ADCY5: variants seen among roughly 807,000 people sequenced by gnomAD.
ADCY5 encodes the protein adenylate cyclase type 5.
Under a neutral mutation model 119.7 loss-of-function variants are expected in ADCY5, and 30 were observed. That is an observed-to-expected ratio of 0.25 (90% CI 0.19 to 0.34). The LOEUF (loss-of-function observed/expected upper bound fraction) is 0.34. Ranked by LOEUF, ADCY5 falls within the 10% of genes least tolerant of loss-of-function variation. ADCY5 has a pLI of 1.00. For missense variants in ADCY5, 1,324 were observed against 1,775.2 expected, an observed-to-expected ratio of 0.75 and a Z score of 4.57; for synonymous variants, 753 against 762.2, an observed-to-expected ratio of 0.99 and a Z score of 0.20.
At chr3:123,330,816 G>C in intron 5 of ADCY5, 73 bp downstream of exon 5, 1 of 1,487,644 alleles carries the variant, frequency 6.7e-7, no homozygotes, top group African/African-American at 1.4e-5. Flanking sequence ...CTAGGCAGCC[G>C]GCAGGTCAGT....
chr3:123,295,790 G>A (rs1939461766), intron 17 of ADCY5, among the ~76,000 whole-genome samples: 1 of 152,182 alleles, frequency 6.6e-6, no homozygotes, highest in South Asian at 2.1e-4. Flanking sequence ...TAAGTGCCCA[G>A]CCAGTATTTG....
intron 1 of ADCY5, among the ~76,000 whole-genome samples, chr3:123,361,239 G>A (rs1339466065): frequency 2.6e-5 from 4 of 152,094 alleles, no homozygotes; most frequent in Non-Finnish European, 5.9e-5. Context: ...ACTCTCCAGG[G>A]AACTCATGGC....
At chr3:123,291,440 C>T in intron 17 of ADCY5, 64 bp from the exon 18 acceptor site, 1 of 1,548,560 alleles carries the variant, frequency 6.5e-7, no homozygotes, top group Middle Eastern at 1.7e-4. Flanking sequence ...GCCCCTCCAC[C>T]TCCTCCTCTC....
In ADCY5 at chr3:123,327,749, T is replaced by C; in HGVS notation, c.1816A>G (p.Ile606Val). ...AGGTAGTTGAGTGTAGCCTTGGTGA[T>C]GTGGATGCGTCTACAGGGGGGCAGG... ...EAGGKAGRIH[I>V]TKATLNYLNG... The change falls in exon 7 of 21, where the codon ATC becomes GTC. Residue 606 changes from isoleucine to valine, a missense_variant. Physicochemically the swap from Ile to Val is conservative, Grantham distance 29. Transcript: ENST00000462833. The C allele has an allele frequency of 1.2e-6, 2 of 1,614,030 alleles. No individual in the cohort carries two copies. Among genetic ancestry groups the C allele is most frequent in the Non-Finnish European group, 1.7e-6 (2 of 1,179,984 alleles).
At chr3:123,378,067 T>A (rs1943901747) in intron 1 of ADCY5, among the ~76,000 whole-genome samples, 1 of 152,160 alleles carries the variant, frequency 6.6e-6, no homozygotes, top group African/African-American at 2.4e-5. Flanking sequence ...AACCAAAGCT[T>A]CTGAACAAAG....
intron 5 of ADCY5, among the ~76,000 whole-genome samples, chr3:123,329,134 G>A (rs769052002): frequency 1.6e-4 from 25 of 152,344 alleles, no homozygotes; most frequent in South Asian, 2.1e-4. Flanking sequence ...GCAAATGCAC[G>A]TTAGGGCCGA....
intron 8 of ADCY5, among the ~76,000 whole-genome samples, chr3:123,322,151 G>C (rs1007153064): frequency 8.5e-5 from 13 of 152,324 alleles, no homozygotes; most frequent in African/African-American, 3.1e-4. Context: ...CAGGCGTGGC[G>C]GGCAGCAGAG....
At chr3:123,300,006 C>G in intron 15 of ADCY5, 114 bp downstream of exon 15, 1 of 1,177,108 alleles carries the variant, frequency 8.5e-7, no homozygotes, top group South Asian at 1.5e-5. Context: ...TGGGGAGGAA[C>G]AAGATACTCT....
Position 123,312,437 on chromosome 3 carries a change from G to A in ADCY5, c.2442+1798C>T, listed in dbSNP as rs538860086. On this transcript the variant is annotated intron_variant, in intron 12 of 20. Coordinates refer to ENST00000462833, the MANE Select transcript of ADCY5 (RefSeq NM_183357.3). ...TCTGCCATTTTAACCATTTTTAAGCGTACCATTCAGTGGCATTAATCACAC... is the reference window on the plus strand; with the variant it reads ...TCTGCCATTTTAACCATTTTTAAGCATACCATTCAGTGGCATTAATCACAC... Among the ~76,000 whole-genome samples, 244 of 151,212 alleles carry A rather than the reference G, an allele frequency of 1.6e-3. 1 individual carries two copies. The highest frequency in any genetic ancestry group is 5.3e-3 in the African/African-American group (213 of 40,556).
intron 1 of ADCY5, among the ~76,000 whole-genome samples, chr3:123,427,483 G>A (rs1945438808): frequency 6.6e-6 from 1 of 152,180 alleles, no homozygotes; most frequent in Non-Finnish European, 1.5e-5. Context: ...CGCTCCTGCT[G>A]TTACCTGTGT....
At chr3:123,398,506 C>A (rs1211826416) in intron 1 of ADCY5, among the ~76,000 whole-genome samples, 1 of 152,212 alleles carries the variant, frequency 6.6e-6, no homozygotes, top group African/African-American at 2.4e-5. Context: ...CCAAACCATG[C>A]AGCACGCAGG....
rs1939037737 is a variant in ADCY5, at chr3:123,289,925, C to T, written c.3357G>A (p.Leu1119=). Residue 1119 remains leucine (L), a synonymous_variant, in exon 19 of 21, where the codon CTG becomes CTA. Transcript: ENST00000462833. ...TGCTGCCGATGGTCTTGATCTTCTC[C>T]AGCTGCCGGAACCGATCCTCGCTGA... ...EIISEDRFRQ[L]EKIKTIGSTY... The T allele has an allele frequency of 6.2e-7, 1 of 1,614,214 alleles. No individual in the cohort carries two copies.
chr3:123,387,513 T>C (rs983022035), intron 1 of ADCY5, among the ~76,000 whole-genome samples: 5 of 152,022 alleles, frequency 3.3e-5, no homozygotes, highest in African/African-American at 9.7e-5. Flanking sequence ...GAGTGCAAAG[T>C]AGGTGACAGT....
chr3:123,311,566 CT>C (rs911542680), intron 12 of ADCY5, among the ~76,000 whole-genome samples: 1 of 152,206 alleles, frequency 6.6e-6, no homozygotes, highest in African/African-American at 2.4e-5. Flanking sequence ...AAATTGGGCT[CT>C]GTGTTCCAGA....
chr3:123,346,939 A>T (rs1347150155), intron 3 of ADCY5, among the ~76,000 whole-genome samples: 1 of 152,082 alleles, frequency 6.6e-6, no homozygotes, highest in Non-Finnish European at 1.5e-5. Context: ...GCACTCTATT[A>T]ATCTACATCT....
chr3:123,428,729 C>G (rs941061174), intron 1 of ADCY5, among the ~76,000 whole-genome samples: 1 of 152,190 alleles, frequency 6.6e-6, no homozygotes, highest in African/African-American at 2.4e-5. Context: ...AACTGCATCC[C>G]CAGGGCACAT....
At chr3:123,333,171 A>C (rs4677883) in intron 3 of ADCY5, among the ~76,000 whole-genome samples, 126,253 of 152,158 alleles carry the variant, frequency 0.83, 52,610 homozygotes, top group East Asian at 0.96. Context: ...AGAAGAGACA[A>C]GAGAGCTTGC....
chr3:123,378,722 A>G (rs1413438527), intron 1 of ADCY5, among the ~76,000 whole-genome samples: 3 of 152,144 alleles, frequency 2.0e-5, no homozygotes, highest in Non-Finnish European at 4.4e-5. Context: ...ATGGAGGGGA[A>G]GCCCTGGCCT....
intron 3 of ADCY5, among the ~76,000 whole-genome samples, chr3:123,344,275 T>C (rs1942422840): frequency 6.6e-6 from 1 of 152,160 alleles, no homozygotes; most frequent in Non-Finnish European, 1.5e-5. Context: ...CTCTAAATAC[T>C]ACAACTCTGC....
Sources: gnomAD v4.1 joint callset for allele counts (sites outside exome capture counted in the v4.1 genomes callset) on GRCh38, gnomAD v4.1.1 for gene constraint, MANE v1.5 for transcripts, NCBI Gene and HGNC (gene_info 2026-07-23, HGNC 2026-07-21) for gene names.